CIT: variants seen among roughly 807,000 people sequenced by gnomAD.
CIT encodes the protein citron Rho-interacting kinase.
A neutral mutation model predicts 272.7 loss-of-function variants in CIT; 79 were observed. The observed-to-expected ratio is 0.29, with a 90% CI of 0.24 to 0.35. The LOEUF is 0.35. Ranked by LOEUF, CIT falls within the 10% of genes least tolerant of loss-of-function variation. The probability of loss-of-function intolerance (pLI) is 1.00; values close to 1 mark genes in which losing one functional copy is unlikely to be tolerated. For synonymous variants in CIT, 948 were observed against 995.6 expected (o/e 0.95, Z 0.90); for missense variants, 1,909 against 2,618.3 (o/e 0.73, Z 5.91).
intron 44 of CIT, 174 bp from the exon 45 acceptor site, chr12:119,698,228 G>GT (rs1956340235): frequency 1.5e-6 from 1 of 645,938 alleles, no homozygotes; most frequent in Non-Finnish European, 2.8e-6. Flanking sequence ...ATTCACTGCC[G>GT]TGTGGTTTGT....
intron 3 of CIT, 78 bp from the exon 4 acceptor site, chr12:119,857,776 A>AG (rs1950216344): frequency 3.8e-6 from 5 of 1,309,930 alleles, no homozygotes; most frequent in Non-Finnish European, 4.2e-6. Flanking sequence ...AAAAAAAAAA[A>AG]GAAAATAGCA....
In CIT at chr12:119,798,098, C is replaced by A. The variant is rs538831108; in HGVS notation, c.1295+5108G>T. On this transcript the variant is annotated intron_variant, in intron 10 of 47. Coordinates refer to ENST00000392521, the MANE Select transcript of CIT (RefSeq NM_001206999.2). Reference sequence around the variant, plus strand: ...GGGTTTATGTATGTGTGCGGGCACACACACACCAGATAAGAGTCTCTAAAT... The same window carrying A: ...GGGTTTATGTATGTGTGCGGGCACAAACACACCAGATAAGAGTCTCTAAAT... Among the ~76,000 whole-genome samples the A allele has an allele frequency of 2.0e-5, 3 of 152,150 alleles. No homozygotes were observed. The East Asian group carries it at 5.8e-4, about 29-fold the overall frequency.
chr12:119,860,206 G>T (rs117434307), intron 3 of CIT, among the ~76,000 whole-genome samples: 2 of 152,036 alleles, frequency 1.3e-5, no homozygotes, highest in Admixed American at 6.6e-5. Flanking sequence ...AATGAGTGCC[G>T]CGGTATTGAG....
intron 5 of CIT, among the ~76,000 whole-genome samples, chr12:119,838,325 G>A (rs548234833): frequency 9.3e-4 from 142 of 152,124 alleles, no homozygotes; most frequent in African/African-American, 3.1e-3. Context: ...CACCCGCCTC[G>A]GTCTCCCAAT....
intron 44 of CIT, 49 bp downstream of exon 44, chr12:119,700,696 G>T: frequency 7.0e-7 from 1 of 1,432,548 alleles, no homozygotes. Context: ...TCTTTTCCAG[G>T]ACACCAGCTG....
At chr12:119,861,382 T>TC (rs1164921509) in intron 3 of CIT, among the ~76,000 whole-genome samples, 2 of 152,048 alleles carry the variant, frequency 1.3e-5, no homozygotes, top group Non-Finnish European at 2.9e-5. Context: ...GGTCAAGAGT[T>TC]CAAGACCAGC....
At position 119,788,379 on chromosome 12, in the gene CIT, A is replaced by G. The variant is rs58977778; in HGVS notation, c.1296-3314T>C. ...AACAAGACCCAAACCACCCACGGAGAGAGTGGTGATCCACAGACTGGGTCC... is the reference window on the plus strand; with the variant it reads ...AACAAGACCCAAACCACCCACGGAGGGAGTGGTGATCCACAGACTGGGTCC... On this transcript the variant is annotated intron_variant, in intron 10 of 47. Transcript: ENST00000392521. Among the ~76,000 whole-genome samples, 47 of 152,288 alleles carry G rather than the reference A, an allele frequency of 3.1e-4. 1 individual carries two copies. The East Asian group carries it at 8.3e-3, about 27-fold the overall frequency.
chr12:119,734,345 G>T lies in CIT; in HGVS notation c.3169C>A (p.Leu1057Met). Residue 1057 changes from leucine to methionine, a missense_variant, in exon 26 of 48, where the codon CTG becomes ATG. Physicochemically the swap from Leu to Met is conservative, Grantham distance 15 (BLOSUM62 2). This residue lies in a region of CIT where 530 missense variants were observed against 822.4 expected (regional missense o/e 0.64). Coordinates refer to ENST00000392521, the MANE Select transcript of CIT (RefSeq NM_001206999.2). ...TCCAGCATGGTGCACGTGGTCTTCA[G>T]AGCCTCCATCGTCTGCAAATCAGTA... ...LTSQKQTMEA[L>M]KTTCTMLEEQ... 6.2e-7 allele frequency: 1 copy of T among 1,613,028 alleles called. No homozygotes were observed.
chr12:119,730,391 T>C, intron 27 of CIT, 104 bp downstream of exon 27: 1 of 1,331,560 alleles, frequency 7.5e-7, no homozygotes. Context: ...CATATGTTTA[T>C]GAAATATGTT....
At chr12:119,740,233 G>A (rs1958991259) in intron 24 of CIT, among the ~76,000 whole-genome samples, 1 of 152,200 alleles carries the variant, frequency 6.6e-6, no homozygotes. Context: ...CAAATTTGGA[G>A]AGCATTAGAG....
intron 41 of CIT, among the ~76,000 whole-genome samples, chr12:119,703,853 C>T (rs1219211011): frequency 1.3e-5 from 2 of 152,218 alleles, no homozygotes; most frequent in Non-Finnish European, 2.9e-5. Context: ...GGATCTAACA[C>T]ACATCTCGTC....
rs74441056 is a variant in CIT, at chr12:119,711,422, A to G, written c.4854+756T>C. On this transcript the variant is annotated intron_variant, in intron 37 of 47. Transcript: ENST00000392521. ...CAAACCTGCCTACGGAAGAGCAAAT[A>G]CTGCAAAAACAACTGAGATGCTTAT... Among the ~76,000 whole-genome samples the G allele has an allele frequency of 1.6e-4, 25 of 152,284 alleles. 1 individual carries two copies. The East Asian group carries it at 4.2e-3, about 26-fold the overall frequency.
chr12:119,742,520 T>A (rs913374697), intron 23 of CIT, 56 bp from the exon 24 acceptor site: 75 of 1,317,850 alleles, frequency 5.7e-5, no homozygotes, highest in Non-Finnish European at 4.5e-5. Context: ...CAATTCTACA[T>A]GCTACGGGTC....
At chr12:119,863,786 TC>T (rs1393489783) in intron 3 of CIT, among the ~76,000 whole-genome samples, 1 of 147,818 alleles carries the variant, frequency 6.8e-6, no homozygotes, top group Admixed American at 6.9e-5. Context: ...TGCCTCGGCC[TC>T]CCAAAGTGCT....
At position 119,720,580 on chromosome 12, in the gene CIT, G is replaced by C. The variant is rs371875217; in HGVS notation, c.3738C>G (p.Leu1246=). The C allele has an allele frequency of 1.3e-5, 20 of 1,591,566 alleles. No individual in the cohort carries two copies. In the African/African-American group the frequency reaches 2.6e-4, roughly 21 times the overall value. Reference sequence around the variant, plus strand: ...CCATTTTCACCTTTTCATGAGAATAGAGAACCTAAAATTCAAGAAAACAAA... The same window carrying C: ...CCATTTTCACCTTTTCATGAGAATACAGAACCTAAAATTCAAGAAAACAAA... The part of the protein sequence containing the change: ...LEYQLENIQV[L]YSHEKVKMEG... The change falls in exon 30 of 48, where the codon CTC becomes CTG. Residue 1246 remains leucine, a synonymous_variant. Transcript: ENST00000392521.
At chr12:119,802,390 G>C (rs576530569) in intron 10 of CIT, among the ~76,000 whole-genome samples, 3 of 152,248 alleles carry the variant, frequency 2.0e-5, no homozygotes, top group Non-Finnish European at 2.9e-5. Flanking sequence ...TGGAAGCCTC[G>C]ACCCTCTAAT....
At position 119,742,866 on chromosome 12, in the gene CIT, GACACACACAC is replaced by G. The variant is rs56003708; in HGVS notation, c.2905-412_2905-403del. On this transcript the variant is annotated intron_variant, in intron 23 of 47. Transcript: ENST00000392521. The stretch of plus-strand genomic sequence containing the variant: ...CTGACTCCTCCCCAGCCTACTCCCT[GACACACACAC>G]ACACACACACACACACACATACACA... 1.5e-3 allele frequency: 222 copies of G among 151,784 alleles called. 1 individual carries two copies. Among genetic ancestry groups the G allele is most frequent in the African/African-American group, 3.7e-3 (151 of 40,518 alleles). The allele number at this position is 151,784 out of a possible 1,614,324, so 9.4% of individuals were successfully genotyped here. A position where few individuals can be genotyped will look rare whatever the true frequency, so the allele number is the denominator to read the frequency against.
chr12:119,698,043 G>A lies in CIT; in HGVS notation c.5635C>T (p.Pro1879Ser). Residue 1879 changes from proline (P) to serine (S), a missense_variant, in exon 45 of 48, where the codon CCC (proline) becomes TCC (serine). Transcript: ENST00000392521. ...TTGAAGTGGGTCACAAACAGATAGG[G>A]TTCTCTGTAGGCTGTGTGATCACCA... ...RLPLAFAYRE[P>S]YLFVTHFNSL... 2 of 1,614,064 alleles carry A rather than the reference G, an allele frequency of 1.2e-6. No individual in the cohort carries two copies. Among genetic ancestry groups the A allele is most frequent in the South Asian group, 1.1e-5 (1 of 91,088 alleles).
intron 22 of CIT, among the ~76,000 whole-genome samples, chr12:119,756,738 C>G (rs1017109178): frequency 6.6e-6 from 1 of 152,084 alleles, no homozygotes; most frequent in African/African-American, 2.4e-5. Context: ...CTGCCTCCAG[C>G]CCCACGTGTT....
Sources: allele counts gnomAD v4.1 joint callset (sites outside exome capture counted in the v4.1 genomes callset), GRCh38; gene constraint gnomAD v4.1.1; regional missense constraint gnomAD v4.1.1; transcripts MANE v1.5; gene names NCBI Gene and HGNC (gene_info 2026-07-23, HGNC 2026-07-21).